The following LEPR variants were observed in gnomAD, a reference collection of about 807,000 sequenced individuals.
LEPR encodes the protein OB receptor.
Under a neutral mutation model 114.7 loss-of-function variants are expected in LEPR, and 56 were observed. The ratio of observed to expected loss-of-function variants is 0.49; its 90% confidence interval spans 0.39 to 0.61. The LOEUF (loss-of-function observed/expected upper bound fraction) is 0.61, where lower values mean the gene tolerates loss of function less well. Among genes scored for constraint, LEPR ranks in the 20% least tolerant of loss-of-function variants. The probability of loss-of-function intolerance (pLI) is 0.00; values close to 1 mark genes in which losing one functional copy is unlikely to be tolerated. For missense variants in LEPR, 1,202 were observed against 1,352.9 expected (o/e 0.89, Z 1.75); for synonymous variants, 443 against 461.4 (o/e 0.96, Z 0.51).
chr1:65,598,134 A>G (rs1413906193), intron 7 of LEPR, among the ~76,000 whole-genome samples: 2 of 115,578 alleles, frequency 1.7e-5, no homozygotes, highest in East Asian at 2.3e-4. Context: ...AGGTATCACT[A>G]TGTTGCTCAG....
chr1:65,488,641 A>T (rs923135302), intron 2 of LEPR, among the ~76,000 whole-genome samples: 1 of 151,924 alleles, frequency 6.6e-6, no homozygotes, highest in African/African-American at 2.4e-5. Context: ...GTTATTAAAA[A>T]ATATACAATT....
intron 8 of LEPR, among the ~76,000 whole-genome samples, chr1:65,599,554 A>G (rs1557687238): frequency 6.6e-6 from 1 of 152,172 alleles, no homozygotes; most frequent in Non-Finnish European, 1.5e-5. Flanking sequence ...TTGATTCGTC[A>G]AAAGGCAAGT....
chr1:65,476,574 C>T (rs1284820434), intron 2 of LEPR, among the ~76,000 whole-genome samples: 1 of 151,992 alleles, frequency 6.6e-6, no homozygotes, highest in Non-Finnish European at 1.5e-5. Context: ...GACCTTTATC[C>T]ACATCCTTTA....
intron 5 of LEPR, among the ~76,000 whole-genome samples, chr1:65,582,659 C>T (rs1399570027): frequency 2.0e-5 from 3 of 152,168 alleles, no homozygotes; most frequent in Non-Finnish European, 4.4e-5. Flanking sequence ...TGCACTTTTC[C>T]TCTCTTCTTT....
chr1:65,484,647 A>C (rs1162308383), intron 2 of LEPR, among the ~76,000 whole-genome samples: 1 of 152,206 alleles, frequency 6.6e-6, no homozygotes, highest in Non-Finnish European at 1.5e-5. Flanking sequence ...CCATCAGATC[A>C]GAATCCTGAG....
chr1:65,447,613 A>T (rs563911287), intron 2 of LEPR, among the ~76,000 whole-genome samples: 2 of 150,304 alleles, frequency 1.3e-5, no homozygotes, highest in Non-Finnish European at 3.0e-5. Flanking sequence ...CTCACTTGTA[A>T]CTTTGGCCTC....
chr1:65,472,615 G>GACAC (rs77182938), intron 2 of LEPR, among the ~76,000 whole-genome samples: 1,916 of 137,094 alleles, frequency 0.014, 21 homozygotes, highest in African/African-American at 0.023. Flanking sequence ...TATATATATA[G>GACAC]ACACACACAC....
In LEPR at chr1:65,526,292, TC is replaced by T. The variant is rs890162770; in HGVS notation, c.-20-39248del. 9.1e-5 allele frequency: 90 copies of T among 985,076 alleles called. No individual in the cohort carries two copies. In the African/African-American group the frequency reaches 1.4e-3, roughly 15 times the overall value. 61.0% of individuals were successfully genotyped at this position (985,076 alleles called of 1,614,324 possible). On this transcript the variant is annotated intron_variant, in intron 2 of 19. Transcript: ENST00000349533. Reference sequence around the variant, plus strand: ...TAGACCTCAGCTTTTGTTTCCCACCTCCCCCCTTCCCTGCAAGCAAATTAAA... The same window carrying T: ...TAGACCTCAGCTTTTGTTTCCCACCTCCCCCTTCCCTGCAAGCAAATTAAA...
At chr1:65,552,602 C>T (rs1652480276) in intron 2 of LEPR, among the ~76,000 whole-genome samples, 1 of 152,096 alleles carries the variant, frequency 6.6e-6, no homozygotes, top group South Asian at 2.1e-4. Flanking sequence ...CTATGTGTCT[C>T]ACATGCAAAG....
At chr1:65,509,171 C>G (rs552288890) in intron 2 of LEPR, among the ~76,000 whole-genome samples, 11 of 152,158 alleles carry the variant, frequency 7.2e-5, no homozygotes, top group Non-Finnish European at 1.3e-4. Flanking sequence ...AATTTGGATG[C>G]CTTTTACTTC....
At chr1:65,492,727 G>A (rs1647940340) in intron 2 of LEPR, among the ~76,000 whole-genome samples, 1 of 151,066 alleles carries the variant, frequency 6.6e-6, no homozygotes, top group Non-Finnish European at 1.5e-5. Context: ...CATGATTCCT[G>A]GCCTTTCGTA....
intron 5 of LEPR, among the ~76,000 whole-genome samples, chr1:65,574,513 A>G (rs1654441397): frequency 6.6e-6 from 1 of 152,208 alleles, no homozygotes; most frequent in African/African-American, 2.4e-5. Context: ...ATGGAACTCA[A>G]GTTTGAAAAT....
chr1:65,633,107 A>T lies in LEPR; in HGVS notation c.2674-3084A>T. ...TCTTTTATCTTTTTCTTTGTGAGTGATTTTTTATTTTGCTTTCTTATTTTG... is the reference window on the plus strand; with the variant it reads ...TCTTTTATCTTTTTCTTTGTGAGTGTTTTTTTATTTTGCTTTCTTATTTTG... On this transcript the variant is annotated intron_variant, in intron 19 of 19. Coordinates refer to ENST00000349533, the MANE Select transcript of LEPR (RefSeq NM_002303.6). This position sits in a 1 kb window ranked among gnomAD's most constrained non-coding sequence, Gnocchi z 4.1. 1 of 1,303,944 alleles carries T rather than the reference A, an allele frequency of 7.7e-7. No individual in the cohort carries two copies. The highest frequency in any genetic ancestry group is 2.3e-5 in the East Asian group (1 of 43,184). 80.8% of individuals were successfully genotyped at this position (1,303,944 alleles called of 1,614,324 possible).
chr1:65,517,730 T>A (rs554625318), intron 2 of LEPR, among the ~76,000 whole-genome samples: 19 of 152,342 alleles, frequency 1.2e-4, no homozygotes, highest in African/African-American at 4.1e-4. Context: ...AATCCCATCC[T>A]ATGACATTCC....
At chr1:65,624,856 C>G (rs899282297) in intron 19 of LEPR, among the ~76,000 whole-genome samples, 1 of 152,096 alleles carries the variant, frequency 6.6e-6, no homozygotes, top group African/African-American at 2.4e-5. Context: ...AATTTTTCAG[C>G]AGGAGAAAGA....
chr1:65,538,875 C>T (rs1158430691), intron 2 of LEPR, among the ~76,000 whole-genome samples: 1 of 151,642 alleles, frequency 6.6e-6, no homozygotes, highest in African/African-American at 2.4e-5. Context: ...GGAAATGTGC[C>T]TTTTATCTCT....
At chr1:65,533,739 CT>C (rs1296146161) in intron 2 of LEPR, among the ~76,000 whole-genome samples, 1 of 152,016 alleles carries the variant, frequency 6.6e-6, no homozygotes, top group Non-Finnish European at 1.5e-5. Flanking sequence ...TTTCATATTT[CT>C]TTTTGCCCAG....
chr1:65,614,131 A>C (rs908984548), intron 14 of LEPR, among the ~76,000 whole-genome samples: 1 of 152,200 alleles, frequency 6.6e-6, no homozygotes, highest in African/African-American at 2.4e-5. Context: ...ACTTAAGTCT[A>C]CATAGAAACT....
At chr1:65,586,316 T>A (rs529863168) in intron 5 of LEPR, among the ~76,000 whole-genome samples, 7 of 152,038 alleles carry the variant, frequency 4.6e-5, no homozygotes, top group Non-Finnish European at 1.0e-4. Flanking sequence ...TCATGTAAAT[T>A]GTAATAATGA....
Sources: allele counts gnomAD v4.1 joint callset (sites outside exome capture counted in the v4.1 genomes callset), GRCh38; gene constraint gnomAD v4.1.1; non-coding constraint Gnocchi (gnomAD v3.1); transcripts MANE v1.5; gene names NCBI Gene and HGNC (gene_info 2026-07-23, HGNC 2026-07-21).